Variants in TMEM131 observed in about 807,000 individuals in gnomAD.
TMEM131 encodes the protein transmembrane protein 131.
A neutral mutation model predicts 211.6 loss-of-function variants in TMEM131; 66 were observed. That is an observed-to-expected ratio of 0.31 (90% CI 0.26 to 0.38). TMEM131 has a LOEUF of 0.38. Ranked by LOEUF, TMEM131 falls within the 10% of genes least tolerant of loss-of-function variation. The probability of loss-of-function intolerance (pLI) is 1.00; values close to 1 mark genes in which losing one functional copy is unlikely to be tolerated. For synonymous variants in TMEM131, 844 were observed against 841.3 expected (o/e 1.00, Z -0.06); for missense variants, 2,036 against 2,299.3 (o/e 0.89, Z 2.34).
intron 17 of TMEM131, among the ~76,000 whole-genome samples, chr2:97,811,673 A>G (rs1443566830): frequency 1.3e-5 from 2 of 152,264 alleles, no homozygotes; most frequent in Admixed American, 6.5e-5. Flanking sequence ...GAGGTCAGAT[A>G]TAACAAAACA....
rs556723911 is a variant in TMEM131, at chr2:97,827,461, G to A, written c.1074+5904C>T. ...CGAAGTGGCTAACCAAGAAACTAAA[G>A]AAGATTTACCTGCAGAAAATGGGGA... On this transcript the variant is annotated intron_variant, in intron 11 of 40. Transcript: ENST00000186436. 4.6e-4 allele frequency: 477 copies of A among 1,031,206 alleles called. 1 individual carries two copies. The highest frequency in any genetic ancestry group is 3.0e-3 in the South Asian group (236 of 79,462). 63.9% of individuals were successfully genotyped at this position (1,031,206 alleles called of 1,614,324 possible). A position where few individuals can be genotyped will look rare whatever the true frequency, so the allele number is the denominator to read the frequency against.
At chr2:97,893,289 CTTTGATGGACA>C (rs201880782) in intron 3 of TMEM131, among the ~76,000 whole-genome samples, 4,437 of 152,216 alleles carry the variant, frequency 0.029, 78 homozygotes, top group Middle Eastern at 0.065. Flanking sequence ...TCCACTCTAT[CTTTGATGGACA>C]TTTGGGTTGG....
At chr2:97,914,138 A>T (rs1002516798) in intron 2 of TMEM131, among the ~76,000 whole-genome samples, 3 of 152,136 alleles carry the variant, frequency 2.0e-5, no homozygotes, top group African/African-American at 7.2e-5. Flanking sequence ...AGAATTTTTA[A>T]CTCACAAAAG....
At chr2:97,914,564 C>G (rs1559444451) in intron 2 of TMEM131, among the ~76,000 whole-genome samples, 1 of 152,190 alleles carries the variant, frequency 6.6e-6, no homozygotes, top group African/African-American at 2.4e-5. Context: ...CCCTGGCAAC[C>G]ATTCCTCTAT....
intron 8 of TMEM131, 88 bp downstream of exon 8, chr2:97,836,989 A>C: frequency 2.0e-6 from 2 of 986,612 alleles, no homozygotes; most frequent in East Asian, 5.1e-5. Context: ...CATATTTGTT[A>C]AGCCTATTAA....
At chr2:97,780,035 AAAAC>A (rs573829196) in intron 31 of TMEM131, among the ~76,000 whole-genome samples, 20 of 152,150 alleles carry the variant, frequency 1.3e-4, no homozygotes, top group Middle Eastern at 6.8e-3. Context: ...AAACAAAAAC[AAAAC>A]AAACAAAAAA....
chr2:97,873,053 T>C (rs776349125), intron 4 of TMEM131, among the ~76,000 whole-genome samples: 33 of 152,074 alleles, frequency 2.2e-4, no homozygotes, highest in Non-Finnish European at 4.4e-4. Flanking sequence ...CAATGGAGCT[T>C]GGTGGGGGGA....
chr2:97,829,396 C>T (rs752808673), intron 11 of TMEM131, among the ~76,000 whole-genome samples: 20 of 151,304 alleles, frequency 1.3e-4, no homozygotes, highest in Non-Finnish European at 2.7e-4. Context: ...CACCAATCAG[C>T]GCTCTGTGTC....
rs923913204 is a variant in TMEM131, at chr2:97,847,081, G to C, written c.484-2820C>G. Among the ~76,000 whole-genome samples, 16 of 109,618 alleles carry C rather than the reference G, an allele frequency of 1.5e-4. 3 individuals carry two copies. Among genetic ancestry groups the C allele is most frequent in the South Asian group, 8.6e-4 (2 of 2,318 alleles). The allele number at this position is 109,618 out of a possible 152,430, so 71.9% of individuals were successfully genotyped here. On this transcript the variant is annotated intron_variant, in intron 5 of 40. Transcript: ENST00000186436. Reference sequence around the variant, plus strand: ...GTAGTCCCAGCTACTGGGGGGGGGGGGGGGGGCCGAGGCAGGAGAGTCGCT... The same window carrying C: ...GTAGTCCCAGCTACTGGGGGGGGGGCGGGGGGCCGAGGCAGGAGAGTCGCT...
chr2:97,885,488 G>A (rs570490075), intron 4 of TMEM131, among the ~76,000 whole-genome samples: 13 of 152,228 alleles, frequency 8.5e-5, no homozygotes, highest in East Asian at 3.9e-4. Flanking sequence ...GCGCCCGGCC[G>A]TTTGTGAAAG....
intron 4 of TMEM131, among the ~76,000 whole-genome samples, chr2:97,879,833 A>G (rs1674850006): frequency 6.6e-6 from 1 of 151,882 alleles, no homozygotes; most frequent in Non-Finnish European, 1.5e-5. Flanking sequence ...ATTATCAGTA[A>G]GGCTTCTGGT....
chr2:97,828,315 T>G (rs1393315534), intron 11 of TMEM131, among the ~76,000 whole-genome samples: 1 of 152,086 alleles, frequency 6.6e-6, no homozygotes, highest in Non-Finnish European at 1.5e-5. Context: ...GAAATGTCTG[T>G]ACGATCCTCA....
intron 28 of TMEM131, 64 bp downstream of exon 28, chr2:97,796,154 C>G: frequency 1.0e-6 from 1 of 964,600 alleles, no homozygotes; most frequent in Non-Finnish European, 1.5e-6. Flanking sequence ...AATATGAAAA[C>G]ATATCTTTGC....
Position 97,941,205 on chromosome 2 carries a change from C to G in TMEM131, c.188-13718G>C, listed in dbSNP as rs1311865158. On this transcript the variant is annotated intron_variant, in intron 1 of 40. Coordinates refer to ENST00000186436, the MANE Select transcript of TMEM131 (RefSeq NM_015348.2). ...ACCATCTGATCTTTGACAAACCTGA[C>G]AAAAACAAGAAATGGGGAAAGGATT... Among the ~76,000 whole-genome samples the G allele has an allele frequency of 5.3e-5, 8 of 151,996 alleles. No individual in the cohort carries two copies. The East Asian group carries it at 5.8e-4, about 11-fold the overall frequency.
At chr2:97,954,594 C>A (rs1248664194) in intron 1 of TMEM131, among the ~76,000 whole-genome samples, 1 of 152,098 alleles carries the variant, frequency 6.6e-6, no homozygotes, top group Non-Finnish European at 1.5e-5. Context: ...CACCTGAGGT[C>A]AGGAGTTCGA....
chr2:97,930,980 G>C (rs528681492), intron 1 of TMEM131, among the ~76,000 whole-genome samples: 1 of 151,930 alleles, frequency 6.6e-6, no homozygotes, highest in African/African-American at 2.4e-5. Context: ...TACACACAGA[G>C]AGATATACTT....
intron 1 of TMEM131, among the ~76,000 whole-genome samples, chr2:97,935,236 A>C (rs1363804161): frequency 1.3e-5 from 2 of 152,200 alleles, no homozygotes; most frequent in Non-Finnish European, 2.9e-5. Context: ...ATGGTAATGA[A>C]AGCCACAATA....
chr2:97,861,861 T>A (rs1004756781), intron 4 of TMEM131, among the ~76,000 whole-genome samples: 1 of 151,808 alleles, frequency 6.6e-6, no homozygotes, highest in South Asian at 2.1e-4. Flanking sequence ...GATTTTAGAG[T>A]CCTAGGGCCT....
At chr2:97,903,934 T>C (rs1354329841) in intron 3 of TMEM131, among the ~76,000 whole-genome samples, 1 of 152,112 alleles carries the variant, frequency 6.6e-6, no homozygotes, top group Non-Finnish European at 1.5e-5. Context: ...AGTGCTAGGA[T>C]TACAGGCTGT....
Sources: allele counts gnomAD v4.1 joint callset (sites outside exome capture counted in the v4.1 genomes callset), GRCh38; gene constraint gnomAD v4.1.1; transcripts MANE v1.5; gene names NCBI Gene and HGNC (gene_info 2026-07-23, HGNC 2026-07-21).